Variants in PACRG observed in about 807,000 individuals in gnomAD.
PACRG encodes parkin coregulated, also known as parkin coregulated gene protein.
PACRG carries 29 observed loss-of-function variants against 29.7 expected under a neutral mutation model. The ratio of observed to expected loss-of-function variants is 0.98; its 90% confidence interval spans 0.73 to 1.33. The LOEUF (loss-of-function observed/expected upper bound fraction) is 1.33, where lower values mean the gene tolerates loss of function less well. PACRG is among the 40% of genes most tolerant of loss of function. The probability of loss-of-function intolerance (pLI) is 0.00; values close to 1 mark genes in which losing one functional copy is unlikely to be tolerated. For synonymous variants in PACRG, 116 were observed against 118.7 expected, an observed-to-expected ratio of 0.98 and a Z score of 0.15; for missense variants, 279 against 316.2, an observed-to-expected ratio of 0.88 and a Z score of 0.89.
At chr6:163,163,124 C>A (rs1166189753) in intron 4 of PACRG, among the ~76,000 whole-genome samples, 1 of 152,220 alleles carries the variant, frequency 6.6e-6, no homozygotes, top group Non-Finnish European at 1.5e-5. Flanking sequence ...CCACCTTTTT[C>A]TTTCCAATTA....
intron 4 of PACRG, among the ~76,000 whole-genome samples, chr6:163,122,286 T>TACACACACACACACACACAC (rs57013650): frequency 1.2e-3 from 184 of 151,102 alleles, no homozygotes; most frequent in African/African-American, 4.2e-3. Flanking sequence ...TTAACGCATT[T>TACACACACACACACACACAC]ACACACACAC....
At chr6:163,189,994 G>C (rs1780131690) in intron 4 of PACRG, 1 of 152,198 alleles carries the variant, frequency 6.6e-6, no homozygotes. Context: ...ATATGAAGGA[G>C]AAGTACATAA....
chr6:162,871,680 A>G (rs1367002403), intron 2 of PACRG, among the ~76,000 whole-genome samples: 2 of 152,166 alleles, frequency 1.3e-5, no homozygotes, highest in African/African-American at 4.8e-5. Flanking sequence ...GCACTTTGGG[A>G]GGCCGAGGCG....
chr6:162,975,374 T>TAA (rs1249737841), intron 2 of PACRG, among the ~76,000 whole-genome samples: 2 of 152,198 alleles, frequency 1.3e-5, no homozygotes, highest in Non-Finnish European at 2.9e-5. Context: ...AAACATGTCT[T>TAA]AAAATACAAG....
chr6:162,961,804 A>G (rs920493635), intron 2 of PACRG, among the ~76,000 whole-genome samples: 8 of 152,174 alleles, frequency 5.3e-5, no homozygotes, highest in South Asian at 2.1e-4. Flanking sequence ...AGGATGATGC[A>G]TCTAAGCTGT....
At chr6:162,991,858 A>G (rs1260871923) in intron 2 of PACRG, among the ~76,000 whole-genome samples, 1 of 123,464 alleles carries the variant, frequency 8.1e-6, no homozygotes, top group African/African-American at 4.1e-5. Context: ...CCCATTCAGT[A>G]TGATATTGGC....
intron 4 of PACRG, among the ~76,000 whole-genome samples, chr6:163,100,391 C>T (rs2128313295): frequency 6.6e-6 from 1 of 152,298 alleles, no homozygotes; most frequent in African/African-American, 2.4e-5. Context: ...CATTCTGCAC[C>T]GCAGGGAAGG....
At chr6:162,939,599 C>T (rs1252417136) in intron 2 of PACRG, among the ~76,000 whole-genome samples, 1 of 151,864 alleles carries the variant, frequency 6.6e-6, no homozygotes, top group Non-Finnish European at 1.5e-5. Context: ...CTCATCTCTC[C>T]TATCTTTTTT....
intron 2 of PACRG, among the ~76,000 whole-genome samples, chr6:163,038,419 G>C (rs1808401169): frequency 6.6e-6 from 1 of 152,220 alleles, no homozygotes; most frequent in Non-Finnish European, 1.5e-5. Flanking sequence ...GTACAACACA[G>C]TGAAGCGTTG....
chr6:162,823,889 T>A (rs1235570660), intron 2 of PACRG, among the ~76,000 whole-genome samples: 1 of 152,166 alleles, frequency 6.6e-6, no homozygotes, highest in East Asian at 1.9e-4. Flanking sequence ...TTAGCTGTGC[T>A]TAGGTAAACT....
At chr6:163,053,379 A>G (rs532250030) in intron 2 of PACRG, among the ~76,000 whole-genome samples, 237 of 152,228 alleles carry the variant, frequency 1.6e-3, no homozygotes, top group African/African-American at 5.0e-3. Flanking sequence ...ATCTTTTTTT[A>G]AATAAGGACC....
At chr6:163,064,500 C>T (rs1811366443) in intron 3 of PACRG, among the ~76,000 whole-genome samples, 2 of 152,168 alleles carry the variant, frequency 1.3e-5, no homozygotes, top group Non-Finnish European at 1.5e-5. Flanking sequence ...TGGCTTTCAG[C>T]GCTTCTGCTA....
intron 2 of PACRG, among the ~76,000 whole-genome samples, chr6:162,952,015 A>C (rs1341408088): frequency 6.6e-6 from 1 of 152,184 alleles, no homozygotes; most frequent in East Asian, 1.9e-4. Flanking sequence ...TCTCAAGCAC[A>C]GAAATGAGAT....
intron 2 of PACRG, among the ~76,000 whole-genome samples, chr6:162,980,306 G>A (rs968238073): frequency 1.3e-5 from 2 of 152,072 alleles, no homozygotes; most frequent in Admixed American, 1.3e-4. Flanking sequence ...TCTTCAGTCA[G>A]TTCACCATTG....
At chr6:163,124,600 GC>G (rs1816439899) in intron 4 of PACRG, among the ~76,000 whole-genome samples, 1 of 152,156 alleles carries the variant, frequency 6.6e-6, no homozygotes, top group Non-Finnish European at 1.5e-5. Flanking sequence ...TTAGGAAAGA[GC>G]CTCTGATTTT....
chr6:163,204,523 A>G (rs1409043435), intron 4 of PACRG, among the ~76,000 whole-genome samples: 1 of 152,074 alleles, frequency 6.6e-6, no homozygotes, highest in Non-Finnish European at 1.5e-5. Context: ...CCCACCAATC[A>G]CAAGTGGGAC....
chr6:163,008,031 T>C (rs1805280744), intron 2 of PACRG, among the ~76,000 whole-genome samples: 1 of 152,176 alleles, frequency 6.6e-6, no homozygotes, highest in Non-Finnish European at 1.5e-5. Flanking sequence ...AATATTCTTA[T>C]TGTTGTTGTA....
chr6:163,145,020 G>C (rs543438596), intron 4 of PACRG, among the ~76,000 whole-genome samples: 2 of 152,252 alleles, frequency 1.3e-5, no homozygotes, highest in African/African-American at 4.8e-5. Flanking sequence ...TCATGCTTCA[G>C]CTCTGAGCTT....
At chr6:162,832,429 T>C (rs542569137) in intron 2 of PACRG, among the ~76,000 whole-genome samples, 14 of 152,336 alleles carry the variant, frequency 9.2e-5, no homozygotes, top group Admixed American at 3.3e-4. Context: ...GCCTTATCAG[T>C]GCTCCAATCT....
Sources: allele counts gnomAD v4.1 joint callset (sites outside exome capture counted in the v4.1 genomes callset), GRCh38; gene constraint gnomAD v4.1.1; transcripts MANE v1.5; gene names NCBI Gene and HGNC (gene_info 2026-07-23, HGNC 2026-07-21).